The following GPC6 variants were observed in gnomAD, a reference collection of about 807,000 sequenced individuals.
The protein encoded by GPC6 is glypican 6, also known as glypican-6.
GPC6 carries 14 observed loss-of-function variants against 55.2 expected under a neutral mutation model. The observed-to-expected ratio is 0.25, with a 90% CI of 0.17 to 0.40. The LOEUF is 0.40. Ranked by LOEUF, GPC6 falls within the 10% of genes least tolerant of loss-of-function variation. The pLI is 1.00. For missense variants in GPC6, 641 were observed against 708.5 expected, an observed-to-expected ratio of 0.90 and a Z score of 1.08; for synonymous variants, 278 against 259.6, an observed-to-expected ratio of 1.07 and a Z score of -0.68.
At chr13:93,488,515 T>C (rs933339764) in intron 1 of GPC6, among the ~76,000 whole-genome samples, 1 of 152,182 alleles carries the variant, frequency 6.6e-6, no homozygotes, top group South Asian at 2.1e-4. Flanking sequence ...AAATGGTATT[T>C]CTAGTTTTAG....
chr13:93,998,004 CAT>C (rs1881633679), intron 3 of GPC6, among the ~76,000 whole-genome samples: 1 of 152,190 alleles, frequency 6.6e-6, no homozygotes, highest in African/African-American at 2.4e-5. Flanking sequence ...GGTGTGACCA[CAT>C]GACTTGCTCT....
At chr13:93,788,611 G>A (rs779260122) in intron 2 of GPC6, among the ~76,000 whole-genome samples, 8 of 151,466 alleles carry the variant, frequency 5.3e-5, no homozygotes, top group Admixed American at 2.0e-4. Flanking sequence ...CCACTCAGAC[G>A]AAGTGAAATA....
At chr13:93,829,844 A>G (rs1594496503) in intron 2 of GPC6, among the ~76,000 whole-genome samples, 1 of 152,320 alleles carries the variant, frequency 6.6e-6, no homozygotes. Context: ...TTGAGTTTGT[A>G]TCAAACCATA....
chr13:93,730,538 C>A (rs990201813), intron 2 of GPC6, among the ~76,000 whole-genome samples: 3 of 152,144 alleles, frequency 2.0e-5, no homozygotes, highest in Non-Finnish European at 4.4e-5. Context: ...AGAGCCTAGT[C>A]CCTGCTCTGT....
At chr13:93,795,587 A>T (rs1886170363) in intron 2 of GPC6, among the ~76,000 whole-genome samples, 1 of 152,250 alleles carries the variant, frequency 6.6e-6, no homozygotes. Flanking sequence ...GACTAGGATG[A>T]TTGAAAAGAT....
intron 2 of GPC6, among the ~76,000 whole-genome samples, chr13:93,823,046 G>A (rs1399586355): frequency 6.6e-6 from 1 of 151,290 alleles, no homozygotes; most frequent in African/African-American, 2.4e-5. Flanking sequence ...TGTATTTTTA[G>A]TAGAGACAGG....
intron 3 of GPC6, among the ~76,000 whole-genome samples, chr13:93,978,991 A>C (rs1880650601): frequency 6.6e-6 from 1 of 152,188 alleles, no homozygotes; most frequent in Non-Finnish European, 1.5e-5. Context: ...GTGAACCACG[A>C]GATAAATCTA....
At chr13:94,136,064 T>C (rs1262767128) in intron 4 of GPC6, among the ~76,000 whole-genome samples, 3 of 152,216 alleles carry the variant, frequency 2.0e-5, no homozygotes, top group Non-Finnish European at 2.9e-5. Flanking sequence ...CAAATTGTAT[T>C]GTCATTTCCA....
At chr13:94,311,591 T>C (rs1876250026) in intron 6 of GPC6, among the ~76,000 whole-genome samples, 1 of 152,248 alleles carries the variant, frequency 6.6e-6, no homozygotes, top group African/African-American at 2.4e-5. Context: ...TAGTGTTAAC[T>C]GTTTGGCCTT....
chr13:94,236,754 T>G (rs1890890404), intron 4 of GPC6, among the ~76,000 whole-genome samples: 2 of 152,160 alleles, frequency 1.3e-5, no homozygotes, highest in African/African-American at 4.8e-5. Flanking sequence ...TGTAAGTATT[T>G]CCTGAGAACA....
rs545919500 is a variant in GPC6 at position 93,525,461 on chromosome 13, A to T, written c.161-19802A>T. Among the ~76,000 whole-genome samples the T allele has an allele frequency of 7.2e-5, 11 of 152,164 alleles. No homozygotes were observed. The South Asian group carries it at 2.3e-3, about 32-fold the overall frequency. ...AGCTTCTAGGATTTTATCTGGGAAA[A>T]CTGTCAGGTTTTCTTCTAATAGGTT... On this transcript the variant is annotated intron_variant, in intron 1 of 8. Coordinates refer to ENST00000377047, the MANE Select transcript of GPC6 (RefSeq NM_005708.5).
At chr13:94,367,004 C>CTGT (rs1410586899) in intron 6 of GPC6, among the ~76,000 whole-genome samples, 1 of 152,204 alleles carries the variant, frequency 6.6e-6, no homozygotes, top group African/African-American at 2.4e-5. Context: ...TGCTCAAGCC[C>CTGT]TGTTCATAAA....
At chr13:93,490,890 G>A (rs1879974845) in intron 1 of GPC6, among the ~76,000 whole-genome samples, 1 of 63,418 alleles carries the variant, frequency 1.6e-5, no homozygotes, top group Non-Finnish European at 3.0e-5. Flanking sequence ...TGGTGTATAT[G>A]TGCCACATTT....
chr13:93,684,222 G>A (rs1881957320), intron 2 of GPC6, among the ~76,000 whole-genome samples: 1 of 152,066 alleles, frequency 6.6e-6, no homozygotes, highest in South Asian at 2.1e-4. Flanking sequence ...TTTTGCTCTT[G>A]TTGCCCAGCC....
rs58063943 is a variant in GPC6 at position 93,960,815 on chromosome 13, C to CTT, written c.712-66900_712-66899dup. Among the ~76,000 whole-genome samples the CTT allele has an allele frequency of 8.8e-3, 1,076 of 122,226 alleles. 29 individuals carry two copies. The highest frequency in any genetic ancestry group is 0.031 in the African/African-American group (1,005 of 32,628). 80.2% of individuals were successfully genotyped at this position (122,226 alleles called of 152,430 possible). On this transcript the variant is annotated intron_variant, in intron 3 of 8. Coordinates refer to ENST00000377047, the MANE Select transcript of GPC6 (RefSeq NM_005708.5). Reference sequence around the variant, plus strand: ...TTATTGCTGGAATTTTTTTTTTTTTCTTTTTTTTTTTTTTTGAGACAGAGT... The same window carrying CTT: ...TTATTGCTGGAATTTTTTTTTTTTTCTTTTTTTTTTTTTTTTTGAGACAGAGT...
At chr13:93,985,114 C>T (rs1461724549) in intron 3 of GPC6, among the ~76,000 whole-genome samples, 3 of 152,066 alleles carry the variant, frequency 2.0e-5, no homozygotes, top group Admixed American at 6.6e-5. Flanking sequence ...TGAGCCTGAC[C>T]ATCACATCTT....
Position 93,526,565 on chromosome 13 carries a change from A to G in GPC6, c.161-18698A>G, listed in dbSNP as rs1253382948. Among the ~76,000 whole-genome samples the G allele has an allele frequency of 3.3e-5, 5 of 152,212 alleles. No individual in the cohort carries two copies. The East Asian group carries it at 5.8e-4, about 18-fold the overall frequency. On this transcript the variant is annotated intron_variant, in intron 1 of 8. Transcript: ENST00000377047. ...TATATATTTTCTCTTCCCCGAGTAC[A>G]GTAACATTTAATATAGGAGGCTAAA...
intron 2 of GPC6, among the ~76,000 whole-genome samples, chr13:93,735,384 T>G (rs573906089): frequency 6.6e-6 from 1 of 152,036 alleles, no homozygotes; most frequent in Admixed American, 6.6e-5. Flanking sequence ...AATACAAAAC[T>G]TAGCTGGGCA....
intron 2 of GPC6, among the ~76,000 whole-genome samples, chr13:93,759,038 C>T (rs989152330): frequency 2.0e-5 from 3 of 151,988 alleles, no homozygotes; most frequent in African/African-American, 7.2e-5. Flanking sequence ...GTAACCACTC[C>T]TCTGAATTTA....
Sources: gnomAD v4.1 joint callset for allele counts (sites outside exome capture counted in the v4.1 genomes callset) on GRCh38, gnomAD v4.1.1 for gene constraint, MANE v1.5 for transcripts, NCBI Gene and HGNC (gene_info 2026-07-23, HGNC 2026-07-21) for gene names.